Variants in FBXL13 observed in about 807,000 individuals in gnomAD.
The protein encoded by FBXL13 is F-box and leucine-rich repeat protein 13.
In FBXL13, 67 loss-of-function variants were observed where a neutral mutation model predicts 83.6. The ratio of observed to expected loss-of-function variants is 0.80; its 90% CI spans 0.66 to 0.98. FBXL13 has a LOEUF of 0.98. Among genes scored for constraint, FBXL13 ranks in the 50% least tolerant of loss-of-function variants. The pLI is 0.00. For synonymous variants in FBXL13, 272 were observed against 299.5 expected, an observed-to-expected ratio of 0.91 and a Z score of 0.95; for missense variants, 822 against 866.5, an observed-to-expected ratio of 0.95 and a Z score of 0.64.
intron 6 of FBXL13, among the ~76,000 whole-genome samples, chr7:102,979,946 C>G (rs1262457880): frequency 5.3e-5 from 8 of 151,974 alleles, no homozygotes; most frequent in Admixed American, 5.2e-4. Context: ...GAATAAACAC[C>G]AAACAAACAT....
rs373854239 is a variant in FBXL13, at chr7:102,925,543, A to G, written c.878+731T>C. Among the ~76,000 whole-genome samples, 30 of 152,340 alleles carry G rather than the reference A, an allele frequency of 2.0e-4. No homozygotes were observed. In the East Asian group the frequency reaches 4.8e-3, roughly 25 times the overall value. ...AAACGGTCAAAAAACAAGCAGTGTC[A>G]AGCTCCCTAGAGGTGGTGGGAGTCT... On this transcript the variant is annotated intron_variant, in intron 10 of 19. Coordinates refer to ENST00000313221, the Ensembl canonical transcript of FBXL13.
chr7:102,844,643 G>C (rs1299840382), intron 17 of FBXL13, among the ~76,000 whole-genome samples: 1 of 152,164 alleles, frequency 6.6e-6, no homozygotes, highest in Non-Finnish European at 1.5e-5. Context: ...TCTGATACCA[G>C]ATGTGTGGGT....
rs114960590 is a variant in FBXL13, at chr7:102,823,074, C to T, written c.1855-871G>A. 4.2e-3 allele frequency among the ~76,000 whole-genome samples: 633 copies of T among 152,104 alleles called. 3 individuals carry two copies. The highest frequency in any genetic ancestry group is 0.015 in the African/African-American group (602 of 41,496). On this transcript the variant is annotated intron_variant, in intron 18 of 19. Transcript: ENST00000313221. ...ACAGAGCAAGACCCTGTGCCCTGCC[C>T]ACCCCCCACACAAAAAAAGTTGTGA...
At chr7:102,967,986 T>C (rs2129480831) in intron 7 of FBXL13, 36 bp downstream of exon 8, 2 of 1,491,066 alleles carry the variant, frequency 1.3e-6, no homozygotes, top group Non-Finnish European at 1.9e-6. Flanking sequence ...CTTTAAGAAC[T>C]AGTGTAAAGA....
At position 102,834,105 on chromosome 7, in the gene FBXL13, A is replaced by G. The variant is rs1562926218; in HGVS notation, c.1720-1131T>C. Among the ~76,000 whole-genome samples, 25 of 110,240 alleles carry G rather than the reference A, an allele frequency of 2.3e-4. 1 individual carries two copies. Among genetic ancestry groups the G allele is most frequent in the African/African-American group, 6.6e-4 (15 of 22,838 alleles). The allele number at this position is 110,240 out of a possible 152,430, so 72.3% of individuals were successfully genotyped here. The stretch of plus-strand genomic sequence containing the variant: ...GGAAAGAAAAGAAAGAAAGAAAGAA[A>G]GAAAGAAAGAAAGAAAGAAAGAAAG... On this transcript the variant is annotated intron_variant, in intron 17 of 19. Transcript: ENST00000313221.
intron 1 of FBXL13, among the ~76,000 whole-genome samples, chr7:103,059,623 C>G (rs191308666): frequency 5.8e-4 from 88 of 152,262 alleles, no homozygotes; most frequent in Non-Finnish European, 1.0e-3. Context: ...TTAGCTCTCT[C>G]AAGCTTGTAA....
chr7:102,998,531 T>G (rs1790047765), intron 6 of FBXL13, among the ~76,000 whole-genome samples: 1 of 152,238 alleles, frequency 6.6e-6, no homozygotes, highest in Non-Finnish European at 1.5e-5. Flanking sequence ...GGGATTGCTT[T>G]CTTGATTTCT....
At chr7:102,819,304 A>T (rs1451679623) in intron 19 of FBXL13, among the ~76,000 whole-genome samples, 1 of 152,154 alleles carries the variant, frequency 6.6e-6, no homozygotes, top group African/African-American at 2.4e-5. Context: ...CTTGAAATAA[A>T]GGAGCCTTTA....
intron 17 of FBXL13, among the ~76,000 whole-genome samples, chr7:102,835,603 G>T (rs200213545): frequency 9.0e-4 from 88 of 97,434 alleles, no homozygotes; most frequent in East Asian, 2.0e-3. Flanking sequence ...AGGTGACATT[G>T]TTTTTTTTTT....
intron 1 of FBXL13, among the ~76,000 whole-genome samples, chr7:103,058,772 A>C (rs1176647468): frequency 6.6e-6 from 1 of 152,200 alleles, no homozygotes; most frequent in Non-Finnish European, 1.5e-5. Context: ...TTTATGGTAC[A>C]TTTTTAAGAA....
intron 8 of FBXL13, among the ~76,000 whole-genome samples, chr7:102,955,109 G>A (rs143952604): frequency 1.2e-4 from 18 of 152,176 alleles, no homozygotes; most frequent in African/African-American, 3.1e-4. Context: ...GCACCACATC[G>A]CACTTATTCT....
intron 8 of FBXL13, among the ~76,000 whole-genome samples, chr7:102,954,898 T>C (rs1304557625): frequency 2.0e-5 from 3 of 152,086 alleles, no homozygotes; most frequent in African/African-American, 4.8e-5. Context: ...AAAACAAGTC[T>C]GTAGAGACCT....
intron 8 of FBXL13, among the ~76,000 whole-genome samples, chr7:102,954,698 A>G (rs918658902): frequency 1.3e-5 from 2 of 152,208 alleles, no homozygotes; most frequent in African/African-American, 4.8e-5. Flanking sequence ...ATGCGGGAAG[A>G]TCTACCAAGC....
intron 19 of FBXL13, among the ~76,000 whole-genome samples, chr7:102,818,803 A>G (rs951260439): frequency 6.6e-6 from 1 of 152,134 alleles, no homozygotes; most frequent in African/African-American, 2.4e-5. Flanking sequence ...TCCAACTTTT[A>G]TTTTAGGTTC....
intron 2 of FBXL13, among the ~76,000 whole-genome samples, chr7:103,036,906 T>G (rs745470804): frequency 5.3e-5 from 8 of 152,208 alleles, no homozygotes; most frequent in Non-Finnish European, 1.0e-4. Context: ...AAACACATAT[T>G]TAAATAAATA....
At chr7:102,897,893 ATATT>A (rs1812451316) in intron 11 of FBXL13, among the ~76,000 whole-genome samples, 1 of 152,198 alleles carries the variant, frequency 6.6e-6, no homozygotes, top group South Asian at 2.1e-4. Flanking sequence ...GAAGGAATGA[ATATT>A]TATCAGCATA....
chr7:103,068,755 A>G (rs955460980), intron 1 of FBXL13, among the ~76,000 whole-genome samples: 1 of 152,192 alleles, frequency 6.6e-6, no homozygotes, highest in African/African-American at 2.4e-5. Flanking sequence ...GAGGTGCCCC[A>G]AGTGTGGCCA....
chr7:102,928,088 T>A (rs1455835371), intron 9 of FBXL13, among the ~76,000 whole-genome samples: 2 of 152,210 alleles, frequency 1.3e-5, no homozygotes, highest in Non-Finnish European at 2.9e-5. Context: ...GACTTTCTGT[T>A]TGAGATGAGG....
chr7:102,995,849 GAAAGT>G (rs1182549558), intron 6 of FBXL13, among the ~76,000 whole-genome samples: 1 of 151,596 alleles, frequency 6.6e-6, no homozygotes, highest in Non-Finnish European at 1.5e-5. Context: ...ACACCATACA[GAAAGT>G]AATCTTTAAA....
Sources: gnomAD v4.1 joint callset for allele counts (sites outside exome capture counted in the v4.1 genomes callset) on GRCh38, gnomAD v4.1.1 for gene constraint, MANE v1.5 for transcripts, NCBI Gene and HGNC (gene_info 2026-07-23, HGNC 2026-07-21) for gene names.